Variants in FBXL5 observed in about 807,000 individuals in gnomAD.
The protein encoded by FBXL5 is F-box and leucine rich repeat protein 5, also known as F-box/LRR-repeat protein 5.
FBXL5 carries 26 observed loss-of-function variants against 78.3 expected under a neutral mutation model. The ratio of observed to expected loss-of-function variants is 0.33; its 90% CI spans 0.24 to 0.46. The LOEUF (loss-of-function observed/expected upper bound fraction) is 0.46, where lower values mean the gene tolerates loss of function less well. Among genes scored for constraint, FBXL5 ranks in the 20% least tolerant of loss-of-function variants. FBXL5 has a pLI of 1.00. For synonymous variants in FBXL5, 295 were observed against 282.5 expected (o/e 1.04, Z -0.45); for missense variants, 710 against 829.2 (o/e 0.86, Z 1.77).
intron 1 of FBXL5, among the ~76,000 whole-genome samples, chr4:15,678,086 T>G (rs1253530878): frequency 6.6e-6 from 1 of 152,214 alleles, no homozygotes; most frequent in East Asian, 1.9e-4. Context: ...TCTTTTCTCA[T>G]AAATTATATA....
chr4:15,646,377 T>TA (rs1577472941), intron 1 of FBXL5, among the ~76,000 whole-genome samples: 3 of 151,316 alleles, frequency 2.0e-5, no homozygotes, highest in East Asian at 1.9e-4. Flanking sequence ...GATTTTTTTT[T>TA]AAATCATAAG....
At chr4:15,642,777 A>T (rs542300415) in intron 2 of FBXL5, among the ~76,000 whole-genome samples, 2 of 152,228 alleles carry the variant, frequency 1.3e-5, no homozygotes, top group South Asian at 4.1e-4. Context: ...ATCCATCTTT[A>T]CCACCTCCTA....
intron 1 of FBXL5, among the ~76,000 whole-genome samples, chr4:15,652,991 T>C (rs1716307116): frequency 6.6e-6 from 1 of 152,222 alleles, no homozygotes; most frequent in Non-Finnish European, 1.5e-5. Flanking sequence ...TCCTTTAAGA[T>C]TACTGAACCA....
intron 1 of FBXL5, among the ~76,000 whole-genome samples, chr4:15,654,006 A>C (rs754464696): frequency 3.3e-5 from 5 of 152,238 alleles, no homozygotes; most frequent in Non-Finnish European, 7.3e-5. Flanking sequence ...GGGTGTTTCT[A>C]AATTTTCAGA....
intron 5 of FBXL5, among the ~76,000 whole-genome samples, chr4:15,633,632 C>T (rs991573216): frequency 2.0e-5 from 3 of 152,114 alleles, no homozygotes; most frequent in Admixed American, 6.5e-5. Flanking sequence ...CTCACTCTGC[C>T]GCCCAGGCTG....
intron 8 of FBXL5, among the ~76,000 whole-genome samples, chr4:15,626,617 A>G (rs993056126): frequency 5.9e-5 from 9 of 152,212 alleles, no homozygotes; most frequent in African/African-American, 2.2e-4. Flanking sequence ...ATACCAATCT[A>G]CATGGTTGCA....
Position 15,655,350 on chromosome 4 carries a change from C to A in FBXL5, c.-63G>T. 8.0e-7 allele frequency: 1 copy of A among 1,257,438 alleles called. No homozygotes were observed. The highest frequency in any genetic ancestry group is 2.7e-5 in the Admixed American group (1 of 36,680). The allele number at this position is 1,257,438 out of a possible 1,614,324, so 77.9% of individuals were successfully genotyped here. A position where few individuals can be genotyped will look rare whatever the true frequency, so the allele number is the denominator to read the frequency against. ...GCCGCCTCTCCATAGACACCCTCGC[C>A]GCGGGGCAGAGGCGGCGCGCCCCCT... is the stretch of plus-strand genomic sequence containing the variant. On this transcript the variant is annotated 5_prime_UTR_variant, in exon 1 of 11. Transcript: ENST00000341285.
At chr4:15,667,305 G>A (rs1411309013) in intron 1 of FBXL5, among the ~76,000 whole-genome samples, 1 of 152,046 alleles carries the variant, frequency 6.6e-6, no homozygotes, top group African/African-American at 2.4e-5. Flanking sequence ...TATGATATAG[G>A]CACTCAACAT....
intron 9 of FBXL5, among the ~76,000 whole-genome samples, chr4:15,612,790 G>C (rs1460377732): frequency 6.6e-6 from 1 of 151,914 alleles, no homozygotes; most frequent in African/African-American, 2.4e-5. Flanking sequence ...AAGCAGTTGG[G>C]CAGTTTCTAA....
intron 10 of FBXL5, 23 bp from the exon 11 acceptor site, chr4:15,605,822 G>A: frequency 3.8e-6 from 6 of 1,581,392 alleles, no homozygotes; most frequent in Non-Finnish European, 5.2e-6. Context: ...AGAAAAATGT[G>A]AAAGGAGGAA....
At chr4:15,657,503 A>G (rs1717057454), upstream of FBXL5, among the ~76,000 whole-genome samples, 1 of 152,244 alleles carries the variant, frequency 6.6e-6, no homozygotes, top group African/African-American at 2.4e-5. Flanking sequence ...TTTGGCAACA[A>G]CAACAAAAAA....
At chr4:15,643,344 A>G (rs1423462343) in intron 2 of FBXL5, among the ~76,000 whole-genome samples, 2 of 152,218 alleles carry the variant, frequency 1.3e-5, no homozygotes, top group Non-Finnish European at 2.9e-5. Context: ...GTGGCTTAAC[A>G]GAGTTGTAAC....
upstream of FBXL5, among the ~76,000 whole-genome samples, chr4:15,663,781 C>G (rs1448778754): frequency 6.6e-6 from 1 of 152,190 alleles, no homozygotes; most frequent in African/African-American, 2.4e-5. Context: ...GCTACAGATT[C>G]AGTAAGTCCA....
chr4:15,608,930 GGA>G (rs1722060928), intron 10 of FBXL5, among the ~76,000 whole-genome samples: 1 of 152,116 alleles, frequency 6.6e-6, no homozygotes, highest in Non-Finnish European at 1.5e-5. Context: ...GTAGAAAACA[GGA>G]GACTAACACC....
chr4:15,616,156 C>A (rs548473464), intron 9 of FBXL5, among the ~76,000 whole-genome samples: 133 of 152,238 alleles, frequency 8.7e-4, no homozygotes, highest in African/African-American at 2.9e-3. Context: ...AAACTCCGAA[C>A]ACATCTGAAC....
rs114745924 is a variant in FBXL5, at chr4:15,651,268, T to C, written c.84+3936A>G. On this transcript the variant is annotated intron_variant, in intron 1 of 10. Transcript: ENST00000341285. The stretch of plus-strand genomic sequence containing the variant: ...TAGAGCTACCAATAAGTAGCAGAAC[T>C]AGTAAGGTAATGCAAAACCCATGGG... Among the ~76,000 whole-genome samples the C allele has an allele frequency of 5.3e-3, 808 of 152,158 alleles. 7 individuals are homozygous for C. The highest frequency in any genetic ancestry group is 0.018 in the African/African-American group (763 of 41,520).
intron 2 of FBXL5, among the ~76,000 whole-genome samples, chr4:15,643,273 A>T (rs1715071964): frequency 6.6e-6 from 1 of 152,130 alleles, no homozygotes; most frequent in African/African-American, 2.4e-5. Flanking sequence ...TCTTTAATCC[A>T]TCCTCCCTAA....
At chr4:15,624,641 T>C (rs1244106752) in intron 9 of FBXL5, among the ~76,000 whole-genome samples, 1 of 151,008 alleles carries the variant, frequency 6.6e-6, no homozygotes, top group Non-Finnish European at 1.5e-5. Context: ...CTGAAGATTA[T>C]GCTTATTAAA....
intron 6 of FBXL5, among the ~76,000 whole-genome samples, chr4:15,629,353 C>T (rs1397306190): frequency 1.3e-5 from 2 of 152,062 alleles, no homozygotes; most frequent in African/African-American, 4.8e-5. Flanking sequence ...CTGAGACTTC[C>T]TTAAGTTGAC....
Sources: gnomAD v4.1 joint callset for allele counts (sites outside exome capture counted in the v4.1 genomes callset) on GRCh38, gnomAD v4.1.1 for gene constraint, MANE v1.5 for transcripts, NCBI Gene and HGNC (gene_info 2026-07-23, HGNC 2026-07-21) for gene names.